The following ARFGEF3 variants were observed in gnomAD, a reference collection of about 807,000 sequenced individuals.
ARFGEF3 encodes the protein brefeldin A-inhibited guanine nucleotide-exchange protein 3.
A neutral mutation model predicts 221.7 loss-of-function variants in ARFGEF3; 96 were observed. The ratio of observed to expected loss-of-function variants is 0.43; its 90% CI spans 0.37 to 0.51. The LOEUF (loss-of-function observed/expected upper bound fraction) is 0.51, where lower values mean the gene tolerates loss of function less well. Among genes scored for constraint, ARFGEF3 ranks in the 20% least tolerant of loss-of-function variants. ARFGEF3 has a pLI of 0.00. For missense variants in ARFGEF3, 2,410 were observed against 2,789.9 expected (o/e 0.86, Z 3.07); for synonymous variants, 1,145 against 1,126.8 (o/e 1.02, Z -0.32).
At chr6:138,196,159 T>C (rs79616206) in intron 2 of ARFGEF3, among the ~76,000 whole-genome samples, 5,410 of 152,262 alleles carry the variant, frequency 0.036, 296 homozygotes, top group African/African-American at 0.12. Flanking sequence ...CCCTGCCTCT[T>C]GTCCAGGAGT....
At chr6:138,317,670 C>T (rs916967347) in intron 27 of ARFGEF3, among the ~76,000 whole-genome samples, 2 of 152,158 alleles carry the variant, frequency 1.3e-5, no homozygotes, top group Non-Finnish European at 2.9e-5. Flanking sequence ...GTATCAGCGT[C>T]TCCAAGAACC....
chr6:138,209,853 C>T, intron 3 of ARFGEF3, 57 bp from the exon 4 acceptor site: 1 of 1,590,094 alleles, frequency 6.3e-7, no homozygotes, highest in South Asian at 1.1e-5. Flanking sequence ...AAGATACAAC[C>T]AAATAAGGCA....
intron 32 of ARFGEF3, among the ~76,000 whole-genome samples, chr6:138,329,221 C>T (rs542169475): frequency 5.3e-5 from 8 of 152,220 alleles, no homozygotes; most frequent in Admixed American, 2.6e-4. Flanking sequence ...ACTTCTGACA[C>T]GTTAATAGTA....
At chr6:138,256,752 A>G (rs1778689650) in intron 10 of ARFGEF3, among the ~76,000 whole-genome samples, 1 of 152,128 alleles carries the variant, frequency 6.6e-6, no homozygotes, top group African/African-American at 2.4e-5. Flanking sequence ...TTAATTCATA[A>G]TAAATTTGTG....
intron 2 of ARFGEF3, among the ~76,000 whole-genome samples, chr6:138,199,586 T>C (rs898350486): frequency 6.6e-6 from 1 of 152,264 alleles, no homozygotes; most frequent in Non-Finnish European, 1.5e-5. Context: ...TGTAGAGATC[T>C]TTCAACTCCT....
chr6:138,181,597 C>T (rs1777080347), intron 2 of ARFGEF3, among the ~76,000 whole-genome samples: 1 of 152,140 alleles, frequency 6.6e-6, no homozygotes. Flanking sequence ...GCATCCACCA[C>T]CATGCCCAGC....
At chr6:138,285,473 T>A (rs1384925215) in intron 14 of ARFGEF3, among the ~76,000 whole-genome samples, 1 of 150,640 alleles carries the variant, frequency 6.6e-6, no homozygotes, top group South Asian at 2.1e-4. Flanking sequence ...AAAAAAAAAA[T>A]TATAAGGTAT....
Position 138,174,054 on chromosome 6 carries a change from A to G in ARFGEF3, c.137+3341A>G, listed in dbSNP as rs577653406. Among the ~76,000 whole-genome samples, 59 of 152,322 alleles carry G rather than the reference A, an allele frequency of 3.9e-4. 1 individual carries two copies. In the South Asian group the frequency reaches 8.3e-3, roughly 21 times the overall value. The stretch of plus-strand genomic sequence containing the variant: ...CACAGCAGATGTGAGCCTTGCATTC[A>G]AAGGTGTTTTTTTAAAAACAATTTG... On this transcript the variant is annotated intron_variant, in intron 2 of 33. Transcript: ENST00000251691.
intron 2 of ARFGEF3, among the ~76,000 whole-genome samples, chr6:138,189,909 G>A (rs563420958): frequency 2.0e-5 from 3 of 151,804 alleles, no homozygotes; most frequent in Non-Finnish European, 2.9e-5. Context: ...CAAAAATCCC[G>A]TCTCTACAAA....
At chr6:138,298,169 G>A (rs897776340) in intron 21 of ARFGEF3, among the ~76,000 whole-genome samples, 2 of 152,158 alleles carry the variant, frequency 1.3e-5, no homozygotes, top group East Asian at 3.9e-4. Flanking sequence ...CAGGAGGTCT[G>A]TAAACCAATT....
At chr6:138,232,189 A>G (rs2114536675) in intron 5 of ARFGEF3, among the ~76,000 whole-genome samples, 1 of 152,304 alleles carries the variant, frequency 6.6e-6, no homozygotes, top group African/African-American at 2.4e-5. Flanking sequence ...GTGGGAGCAG[A>G]AATTGCCAAG....
intron 4 of ARFGEF3, among the ~76,000 whole-genome samples, chr6:138,225,562 G>A (rs1778069330): frequency 6.6e-6 from 1 of 152,246 alleles, no homozygotes; most frequent in African/African-American, 2.4e-5. Flanking sequence ...TCCAATAGAC[G>A]GTGCGAGTTT....
At chr6:138,243,295 T>G (rs548678659) in intron 7 of ARFGEF3, among the ~76,000 whole-genome samples, 1 of 152,278 alleles carries the variant, frequency 6.6e-6, no homozygotes, top group Admixed American at 6.5e-5. Context: ...CTCCATGAAG[T>G]CAGGTTTAAT....
In ARFGEF3 at chr6:138,270,463, C is replaced by CACACACACAT. The variant is rs879929949; in HGVS notation, c.2128+6853_2128+6854insCACACACATA. 9.4e-3 allele frequency among the ~76,000 whole-genome samples: 1,158 copies of CACACACACAT among 123,722 alleles called. 15 individuals carry two copies. Among genetic ancestry groups the CACACACACAT allele is most frequent in the African/African-American group, 0.049 (1,109 of 22,702 alleles). The allele number at this position is 123,722 out of a possible 152,430, so 81.2% of individuals were successfully genotyped here. On this transcript the variant is annotated intron_variant, in intron 12 of 33. Coordinates refer to ENST00000251691, the MANE Select transcript of ARFGEF3 (RefSeq NM_020340.5). Reference sequence around the variant, plus strand: ...ACACACACACACACACACACACACACATATATATATCTGGGCTCTAGCCAT... The same window carrying CACACACACAT: ...ACACACACACACACACACACACACACACACACACATATATATATATCTGGGCTCTAGCCAT...
At chr6:138,270,968 C>T (rs559625031) in intron 12 of ARFGEF3, among the ~76,000 whole-genome samples, 53 of 152,136 alleles carry the variant, frequency 3.5e-4, no homozygotes, top group Non-Finnish European at 6.2e-4. Flanking sequence ...GCCACAGACT[C>T]CAAGCCAGGG....
At chr6:138,247,563 T>C (rs1409554728) in intron 8 of ARFGEF3, among the ~76,000 whole-genome samples, 1 of 152,106 alleles carries the variant, frequency 6.6e-6, no homozygotes, top group Admixed American at 6.5e-5. Flanking sequence ...TGGCATATTT[T>C]CTCCTGAGAC....
chr6:138,310,394 A>G (rs1239817928), intron 24 of ARFGEF3, among the ~76,000 whole-genome samples: 3 of 152,252 alleles, frequency 2.0e-5, no homozygotes, highest in African/African-American at 7.2e-5. Context: ...TTATTAAAAC[A>G]TAGCCATGTT....
intron 4 of ARFGEF3, among the ~76,000 whole-genome samples, chr6:138,227,869 G>A (rs1778115885): frequency 6.6e-6 from 1 of 152,178 alleles, no homozygotes; most frequent in South Asian, 2.1e-4. Flanking sequence ...CTGAGGGGGC[G>A]ACATCTAAGA....
At chr6:138,235,298 G>A (rs1036099817) in intron 5 of ARFGEF3, among the ~76,000 whole-genome samples, 13 of 152,186 alleles carry the variant, frequency 8.5e-5, no homozygotes, top group African/African-American at 1.4e-4. Context: ...TGATCACAAA[G>A]TGTCCCTTAT....
Sources: gnomAD v4.1 joint callset for allele counts (sites outside exome capture counted in the v4.1 genomes callset) on GRCh38, gnomAD v4.1.1 for gene constraint, MANE v1.5 for transcripts, NCBI Gene and HGNC (gene_info 2026-07-23, HGNC 2026-07-21) for gene names.